Variants in NRF1 observed in about 807,000 individuals in gnomAD.
NRF1 encodes the protein nuclear respiratory factor 1.
A neutral mutation model predicts 58.5 loss-of-function variants in NRF1; 5 were observed. The ratio of observed to expected loss-of-function variants is 0.09; its 90% CI spans 0.04 to 0.18. The LOEUF is 0.18. Among genes scored for constraint, NRF1 ranks in the 10% least tolerant of loss-of-function variants. The pLI, the probability that NRF1 is intolerant of heterozygous loss-of-function variation, is 1.00. For synonymous variants in NRF1, 224 were observed against 246.7 expected (o/e 0.91, Z 0.86); for missense variants, 288 against 657.7 (o/e 0.44, Z 6.15).
At chr7:129,748,041 C>T (rs1056867858) in intron 10 of NRF1, among the ~76,000 whole-genome samples, 15 of 151,888 alleles carry the variant, frequency 9.9e-5, no homozygotes, top group East Asian at 1.9e-4. Context: ...TTTGGGAGGC[C>T]GAGGCAGGTG....
At chr7:129,640,342 C>G (rs1254697313) in intron 1 of NRF1, among the ~76,000 whole-genome samples, 1 of 149,870 alleles carries the variant, frequency 6.7e-6, no homozygotes, top group Non-Finnish European at 1.5e-5. Flanking sequence ...ATAGTGAGAC[C>G]TGGTCCCTAC....
intron 1 of NRF1, among the ~76,000 whole-genome samples, chr7:129,626,382 CTG>C (rs1254484415): frequency 6.6e-6 from 1 of 152,132 alleles, no homozygotes; most frequent in Non-Finnish European, 1.5e-5. Flanking sequence ...ATTTAGCCAA[CTG>C]TGAGGCAGTC....
chr7:129,737,825 G>A (rs2116285503), intron 10 of NRF1, among the ~76,000 whole-genome samples: 1 of 152,344 alleles, frequency 6.6e-6, no homozygotes, highest in South Asian at 2.1e-4. Context: ...AGCCTTAAAA[G>A]TGCTGTTGTG....
chr7:129,628,034 CTTTTTTTTTTTT>C (rs67262888), intron 1 of NRF1, among the ~76,000 whole-genome samples: 1 of 72,056 alleles, frequency 1.4e-5, no homozygotes, highest in Non-Finnish European at 2.6e-5. Flanking sequence ...GCCAATGGTT[CTTTTTTTTTTTT>C]TTTTTTTTTT....
rs1372200561 is a variant in NRF1, at chr7:129,717,203, G to C, written c.1066-16G>C. ...TGTGGCTTTGTTTTTTTACTATCTT[G>C]TCCTTTCTGCCTCAGGTGGAACAAA... is the stretch of plus-strand genomic sequence containing the variant. On this transcript the variant is annotated splice_polypyrimidine_tract_variant and intron_variant, in intron 8 of 10. Transcript: ENST00000393232. 3 of 1,580,318 alleles carry C rather than the reference G, an allele frequency of 1.9e-6. No individual in the cohort carries two copies. Among genetic ancestry groups the C allele is most frequent in the African/African-American group, 1.4e-5 (1 of 73,122 alleles).
chr7:129,744,676 C>T (rs1803929974), intron 10 of NRF1, among the ~76,000 whole-genome samples: 2 of 152,202 alleles, frequency 1.3e-5, no homozygotes. Flanking sequence ...TTCTTTCCAT[C>T]TTACTCTAAA....
intron 1 of NRF1, among the ~76,000 whole-genome samples, chr7:129,647,052 T>A (rs1421774333): frequency 2.0e-5 from 3 of 152,182 alleles, no homozygotes; most frequent in Non-Finnish European, 2.9e-5. Context: ...CTTTTTTTCT[T>A]CGAGATGGAG....
At chr7:129,736,039 A>G (rs187680128) in intron 10 of NRF1, among the ~76,000 whole-genome samples, 9 of 152,108 alleles carry the variant, frequency 5.9e-5, no homozygotes, top group Admixed American at 5.2e-4. Context: ...ATAAAAAAAT[A>G]AAATTATAAG....
chr7:129,625,757 C>T (rs2151058707), intron 1 of NRF1, among the ~76,000 whole-genome samples: 1 of 145,062 alleles, frequency 6.9e-6, no homozygotes, highest in South Asian at 2.2e-4. Flanking sequence ...TCTCAGCTCA[C>T]TGCAAGCTCT....
chr7:129,636,939 T>A (rs1801179600), intron 1 of NRF1, among the ~76,000 whole-genome samples: 1 of 152,202 alleles, frequency 6.6e-6, no homozygotes, highest in Admixed American at 6.5e-5. Context: ...TCTTAAACTT[T>A]CAGTATGTAT....
chr7:129,698,969 G>T (rs904618215), intron 5 of NRF1, among the ~76,000 whole-genome samples: 8 of 152,194 alleles, frequency 5.3e-5, no homozygotes, highest in African/African-American at 1.7e-4. Flanking sequence ...TCCAGGCAAA[G>T]ATATAATTAT....
chr7:129,722,942 A>G (rs1803363105), intron 9 of NRF1, among the ~76,000 whole-genome samples: 1 of 152,194 alleles, frequency 6.6e-6, no homozygotes, highest in South Asian at 2.1e-4. Flanking sequence ...AAAGATCCTA[A>G]TTCCATATAA....
In NRF1 at chr7:129,690,463, G is replaced by A. The variant is rs1802539866; in HGVS notation, c.523G>A (p.Ala175Thr). The A allele has an allele frequency of 2.5e-6, 4 of 1,614,112 alleles. No individual in the cohort carries two copies. The highest frequency in any genetic ancestry group is 2.2e-5 in the East Asian group (1 of 44,874). The change falls in exon 5 of 11, where the codon GCC becomes ACC. Residue 175 changes from alanine to threonine, a missense_variant. Ala to Thr is a moderately conservative substitution (Grantham distance 58). This residue lies in a region of NRF1 where 212 missense variants were observed against 559.7 expected (regional missense o/e 0.38). Coordinates refer to ENST00000393232, the MANE Select transcript of NRF1 (RefSeq NM_005011.5). ...EDLESALAEH[A>T]PAPQEVNSEL... Reference sequence around the variant, plus strand: ...CCTGGAGTCTGCTCTGGCAGAACACGCCCCTGCGCCACAGGAGGTTAACTC... The same window carrying A: ...CCTGGAGTCTGCTCTGGCAGAACACACCCCTGCGCCACAGGAGGTTAACTC...
intron 2 of NRF1, among the ~76,000 whole-genome samples, chr7:129,669,390 G>A (rs1184325402): frequency 2.6e-5 from 4 of 152,192 alleles, no homozygotes; most frequent in Admixed American, 1.3e-4. Flanking sequence ...GCCTGCTGAA[G>A]TATTTAGGGG....
At chr7:129,632,579 A>G (rs1373163493) in intron 1 of NRF1, among the ~76,000 whole-genome samples, 2 of 151,854 alleles carry the variant, frequency 1.3e-5, no homozygotes, top group African/African-American at 4.8e-5. Flanking sequence ...TCTCAATTTG[A>G]TATTTATTCT....
intron 1 of NRF1, among the ~76,000 whole-genome samples, chr7:129,613,736 TA>T (rs1326293683): frequency 1.0e-5 from 1 of 98,362 alleles, no homozygotes; most frequent in African/African-American, 4.1e-5. Context: ...CCATCTCTGT[TA>T]AAAATACAAA....
intron 5 of NRF1, among the ~76,000 whole-genome samples, chr7:129,707,626 CG>C (rs1562977707): frequency 6.6e-6 from 1 of 152,056 alleles, no homozygotes; most frequent in Admixed American, 6.6e-5. Context: ...AAGTAATGAC[CG>C]CATGAGCCAG....
intron 5 of NRF1, among the ~76,000 whole-genome samples, chr7:129,707,315 T>G (rs879495259): frequency 3.3e-5 from 5 of 152,194 alleles, no homozygotes; most frequent in African/African-American, 9.6e-5. Context: ...TTTGTTAATT[T>G]AGAATTATTT....
At chr7:129,708,288 A>C (rs1037598675) in intron 5 of NRF1, among the ~76,000 whole-genome samples, 9 of 152,232 alleles carry the variant, frequency 5.9e-5, no homozygotes, top group African/African-American at 1.9e-4. Flanking sequence ...CCCCCAACAC[A>C]CACAGAGTGT....
Sources: gnomAD v4.1 joint callset for allele counts (sites outside exome capture counted in the v4.1 genomes callset) on GRCh38, gnomAD v4.1.1 for gene constraint, gnomAD v4.1.1 regional missense constraint, MANE v1.5 for transcripts, NCBI Gene and HGNC (gene_info 2026-07-23, HGNC 2026-07-21) for gene names.